Variants in PLAC1 observed in about 807,000 individuals in gnomAD.
PLAC1 encodes placenta-specific protein 1.
For synonymous variants in PLAC1, 68 were observed against 62.1 expected, an observed-to-expected ratio of 1.09 and a Z score of -0.44; for missense variants, 136 against 163.2, an observed-to-expected ratio of 0.83 and a Z score of 0.91.
In PLAC1 at chrX:134,687,936, C is replaced by T. The variant is rs368078559; in HGVS notation, n.174+45499G>A. On this transcript the variant is annotated intron_variant and non_coding_transcript_variant, in intron 2 of 2. Transcript: ENST00000466797. Reference sequence around the variant, plus strand: ...CAATCGTTATTATGAGTCTTAGTGACGCCTCACAGTGGGGACCTGGAGCTG... The same window carrying T: ...CAATCGTTATTATGAGTCTTAGTGATGCCTCACAGTGGGGACCTGGAGCTG... 2.2e-4 allele frequency among the ~76,000 whole-genome samples: 21 copies of T among 97,671 alleles called. No homozygotes were observed. In the South Asian group the frequency reaches 6.9e-3, roughly 32 times the overall value. 84.8% of individuals were successfully genotyped at this position (97,671 alleles called of 115,157 possible). A position where few individuals can be genotyped will look rare whatever the true frequency, so the allele number is the denominator to read the frequency against.
intron 2 of PLAC1, among the ~76,000 whole-genome samples, chrX:134,678,610 A>T (rs1285635631): frequency 9.0e-6 from 1 of 111,620 alleles, no homozygotes; most frequent in Middle Eastern, 4.2e-3. Context: ...TTTATTGTCT[A>T]TCTATCTTCT....
chrX:134,653,263 G>C (rs1048544412), intron 1 of PLAC1, among the ~76,000 whole-genome samples: 1 of 111,964 alleles, frequency 8.9e-6, no homozygotes, highest in Non-Finnish European at 1.9e-5. Context: ...GGGTCTTCTT[G>C]ACACCCTTCC....
At chrX:134,757,992 T>G (rs765787501) in intron 1 of PLAC1, among the ~76,000 whole-genome samples, 1 of 111,667 alleles carries the variant, frequency 9.0e-6, no homozygotes, top group South Asian at 3.7e-4. Context: ...ATCATTAGCA[T>G]TTCTATATGA....
chrX:134,701,193 TC>T (rs2078582102), intron 2 of PLAC1, among the ~76,000 whole-genome samples: 1 of 111,421 alleles, frequency 9.0e-6, no homozygotes, highest in African/African-American at 3.3e-5. Context: ...GGGAAAGGAA[TC>T]CCTATTCAAT....
chrX:134,682,809 G>T (rs1216144104), intron 2 of PLAC1, among the ~76,000 whole-genome samples: 1 of 111,040 alleles, frequency 9.0e-6, no homozygotes, highest in Non-Finnish European at 1.9e-5. Context: ...GCCCCCCTCG[G>T]CCTCCCAAAG....
At chrX:134,714,303 TTCTC>T (rs1403219126) in intron 2 of PLAC1, among the ~76,000 whole-genome samples, 1 of 107,944 alleles carries the variant, frequency 9.3e-6, no homozygotes, top group African/African-American at 3.4e-5. Flanking sequence ...CCTCTCCTGC[TTCTC>T]TCTCTCTCTA....
intron 2 of PLAC1, among the ~76,000 whole-genome samples, chrX:134,666,801 T>C (rs1267529320): frequency 8.9e-6 from 1 of 111,768 alleles, no homozygotes; most frequent in East Asian, 2.8e-4. Flanking sequence ...GGCTGAGATA[T>C]TGGGACTATT....
intron 1 of PLAC1, chrX:134,650,892 G>A (rs190599396): frequency 8.5e-4 from 133 of 156,901 alleles, no homozygotes; most frequent in African/African-American, 3.8e-3. Context: ...GTTCAAGTTC[G>A]GCATCTCCCA....
At chrX:134,731,782 ACACTATGAGTTCTTATCCCAG>A (rs1262419483) in intron 2 of PLAC1, among the ~76,000 whole-genome samples, 1 of 111,681 alleles carries the variant, frequency 9.0e-6, no homozygotes, top group Non-Finnish European at 1.9e-5. Flanking sequence ...AAAAATATCT[ACACTATGAGTTCTTATCCCAG>A]CACTATGGCC....
chrX:134,600,877 T>C (rs1457460697), intron 2 of PLAC1: 1 of 111,590 alleles, frequency 9.0e-6, no homozygotes, highest in African/African-American at 3.3e-5. Flanking sequence ...TGTGGTTTGT[T>C]GTTTAGGGAC....
chrX:134,569,786 G>T (rs865780854), intron 2 of PLAC1, among the ~76,000 whole-genome samples: 385 of 93,000 alleles, frequency 4.1e-3, no homozygotes, highest in Non-Finnish European at 5.4e-3. Context: ...GTGTGTGTGT[G>T]TTTGTGTGTG....
intron 2 of PLAC1, among the ~76,000 whole-genome samples, chrX:134,589,230 C>T (rs969810754): frequency 1.8e-5 from 2 of 111,592 alleles, no homozygotes; most frequent in African/African-American, 6.5e-5. Context: ...TTGCCTAATT[C>T]GCTTGTTCCC....
At chrX:134,680,314 C>A (rs772346516) in intron 2 of PLAC1, among the ~76,000 whole-genome samples, 5 of 111,246 alleles carry the variant, frequency 4.5e-5, no homozygotes, top group African/African-American at 9.8e-5. Context: ...ATGCAGCCAG[C>A]GCATGACAGA....
Sources: gnomAD v4.1 joint callset for allele counts (sites outside exome capture counted in the v4.1 genomes callset) on GRCh38, gnomAD v4.1.1 for gene constraint, MANE v1.5 for transcripts, NCBI Gene and HGNC (gene_info 2026-07-23, HGNC 2026-07-21) for gene names.